TPRG1: variants seen among roughly 807,000 people sequenced by gnomAD.
TPRG1 encodes the protein tumor protein p63-regulated gene 1 protein.
Under a neutral mutation model 29.3 loss-of-function variants are expected in TPRG1, and 29 were observed. The observed-to-expected ratio is 0.99, with a 90% CI of 0.74 to 1.35. TPRG1 has a LOEUF of 1.35. TPRG1 is among the 40% of genes most tolerant of loss of function. TPRG1 has a pLI of 0.00. For missense variants in TPRG1, 327 were observed against 335.0 expected (o/e 0.98, Z 0.19); for synonymous variants, 130 against 116.8 (o/e 1.11, Z -0.73).
intron 4 of TPRG1, among the ~76,000 whole-genome samples, chr3:189,088,735 GAAAT>G (rs1199350796): frequency 6.6e-6 from 1 of 152,116 alleles, no homozygotes; most frequent in Non-Finnish European, 1.5e-5. Context: ...GGGGAAGAGA[GAAAT>G]AAAAGACTTT....
chr3:189,015,289 A>G (rs1435962330), intron 3 of TPRG1, among the ~76,000 whole-genome samples: 1 of 152,180 alleles, frequency 6.6e-6, no homozygotes, highest in Admixed American at 6.5e-5. Flanking sequence ...AAGCAGTAAA[A>G]CATTCAAGAT....
chr3:189,298,928 C>T (rs1271244833), intron 4 of TPRG1, among the ~76,000 whole-genome samples: 1 of 152,178 alleles, frequency 6.6e-6, no homozygotes. Flanking sequence ...CCCATGGTTT[C>T]CTCAAGGGCC....
At chr3:189,129,034 CATCTT>C (rs1722811035) in intron 2 of TPRG1, among the ~76,000 whole-genome samples, 1 of 152,220 alleles carries the variant, frequency 6.6e-6, no homozygotes, top group African/African-American at 2.4e-5. Flanking sequence ...CTAATGTTAA[CATCTT>C]ATCTACCCGT....
chr3:189,110,522 G>A (rs895229519), intron 1 of TPRG1, among the ~76,000 whole-genome samples: 39 of 151,992 alleles, frequency 2.6e-4, no homozygotes, highest in Non-Finnish European at 1.2e-4. Flanking sequence ...ATCTTTTGAA[G>A]AGCAAAAGTT....
intron 5 of TPRG1, among the ~76,000 whole-genome samples, chr3:189,319,372 A>G (rs1014536291): frequency 2.7e-4 from 41 of 152,002 alleles, no homozygotes; most frequent in African/African-American, 9.9e-4. Flanking sequence ...GTATCTTACC[A>G]TTTCCAATCT....
At chr3:189,050,870 A>G (rs1236012448) in intron 4 of TPRG1, among the ~76,000 whole-genome samples, 2 of 152,222 alleles carry the variant, frequency 1.3e-5, no homozygotes, top group African/African-American at 2.4e-5. Flanking sequence ...AAAGCATTCA[A>G]CAAAATCCAG....
chr3:189,095,700 G>A (rs543535732), upstream of TPRG1, among the ~76,000 whole-genome samples: 47 of 152,196 alleles, frequency 3.1e-4, no homozygotes, highest in South Asian at 8.9e-3. Context: ...AAGTCTCTGC[G>A]GGCAAAAACA....
At chr3:189,119,821 C>G (rs1267772108) in intron 1 of TPRG1, among the ~76,000 whole-genome samples, 1 of 152,168 alleles carries the variant, frequency 6.6e-6, no homozygotes, top group Non-Finnish European at 1.5e-5. Flanking sequence ...TATAAATTAC[C>G]CAGTCTCAGG....
At chr3:189,096,616 TG>T (rs1246070586), upstream of TPRG1, among the ~76,000 whole-genome samples, 1 of 152,230 alleles carries the variant, frequency 6.6e-6, no homozygotes, top group East Asian at 1.9e-4. Context: ...AAAGAGCTTT[TG>T]CTTATGTTAG....
intron 4 of TPRG1, among the ~76,000 whole-genome samples, chr3:189,270,309 A>G (rs7612021): frequency 0.9 from 137,371 of 152,206 alleles, 62,222 homozygotes; most frequent in East Asian, 1. Context: ...TGAACTCCTC[A>G]TGCCTTTGTA....
intron 1 of TPRG1, among the ~76,000 whole-genome samples, chr3:189,125,813 T>TTGTG (rs751689409): frequency 0.029 from 3,548 of 124,054 alleles, 71 homozygotes; most frequent in Middle Eastern, 0.037. Context: ...GCAGGGTGTT[T>TTGTG]TGTGTGTGTG....
chr3:189,112,907 A>T (rs1017728478), intron 1 of TPRG1, among the ~76,000 whole-genome samples: 4 of 152,122 alleles, frequency 2.6e-5, no homozygotes, highest in African/African-American at 9.7e-5. Context: ...TTCCAAATCT[A>T]TGAAGAAAGT....
At chr3:189,291,523 A>T (rs1241735896) in intron 4 of TPRG1, among the ~76,000 whole-genome samples, 1 of 152,088 alleles carries the variant, frequency 6.6e-6, no homozygotes, top group Non-Finnish European at 1.5e-5. Context: ...TATTATCATC[A>T]CTGTTACTAT....
intron 1 of TPRG1, among the ~76,000 whole-genome samples, chr3:189,187,616 C>T (rs1387848872): frequency 3.9e-5 from 6 of 152,160 alleles, no homozygotes; most frequent in African/African-American, 1.2e-4. Context: ...CGTGCCCAGC[C>T]TCATCTAATT....
At chr3:189,267,921 T>C (rs1481648918) in intron 4 of TPRG1, among the ~76,000 whole-genome samples, 4 of 152,112 alleles carry the variant, frequency 2.6e-5, no homozygotes, top group Non-Finnish European at 5.9e-5. Flanking sequence ...CTGAGAAAAG[T>C]GTGATCAGGT....
At chr3:189,134,403 C>CT (rs56318082) in intron 3 of TPRG1, among the ~76,000 whole-genome samples, 1,474 of 121,084 alleles carry the variant, frequency 0.012, 64 homozygotes, top group Non-Finnish European at 0.018. Flanking sequence ...TGGGGGTATC[C>CT]TTTTTTTTTT....
At chr3:189,171,938 T>A (rs1050401784), upstream of TPRG1, 1 of 152,200 alleles carries the variant, frequency 6.6e-6, no homozygotes, top group Admixed American at 6.5e-5. Context: ...TCCTTTCATT[T>A]GACTATTTGA....
chr3:189,234,758 T>C (rs1472124536), intron 3 of TPRG1, among the ~76,000 whole-genome samples: 2 of 152,128 alleles, frequency 1.3e-5, no homozygotes, highest in East Asian at 3.8e-4. Context: ...GAGTTTACAG[T>C]ATAGGAGGGG....
chr3:189,248,633 TTTA>T (rs1405358354), intron 4 of TPRG1, among the ~76,000 whole-genome samples: 1 of 151,240 alleles, frequency 6.6e-6, no homozygotes, highest in Non-Finnish European at 1.5e-5. Context: ...CATAATAGAT[TTTA>T]TTATTATATT....
Sources: gnomAD v4.1 joint callset for allele counts (sites outside exome capture counted in the v4.1 genomes callset) on GRCh38, gnomAD v4.1.1 for gene constraint, MANE v1.5 for transcripts, NCBI Gene and HGNC (gene_info 2026-07-23, HGNC 2026-07-21) for gene names.